Variants in STON2 observed in about 807,000 individuals in gnomAD.
STON2 encodes stonin 2.
In STON2, 29 loss-of-function variants were observed where a neutral mutation model predicts 65.7. The observed-to-expected ratio is 0.44, with a 90% CI of 0.33 to 0.60. The LOEUF (loss-of-function observed/expected upper bound fraction) is 0.60, where lower values mean the gene tolerates loss of function less well. STON2 is among the 20% of genes least tolerant of loss of function. The pLI, the probability that STON2 is intolerant of heterozygous loss-of-function variation, is 0.03. For missense variants in STON2, 1,054 were observed against 1,118.1 expected (o/e 0.94, Z 0.82); for synonymous variants, 404 against 414.2 (o/e 0.98, Z 0.30).
At chr14:81,380,093 C>T (rs1899442389) in intron 3 of STON2, among the ~76,000 whole-genome samples, 1 of 152,148 alleles carries the variant, frequency 6.6e-6, no homozygotes, top group Non-Finnish European at 1.5e-5. Flanking sequence ...GCAAACTATG[C>T]ATCTGACAAA....
chr14:81,427,615 G>C (rs2139921173), intron 1 of STON2, among the ~76,000 whole-genome samples: 1 of 152,198 alleles, frequency 6.6e-6, no homozygotes, highest in African/African-American at 2.4e-5. Flanking sequence ...AGGTTGATGG[G>C]TGGTGACTGA....
rs1489590989 is a variant in STON2, at chr14:81,262,479, A to G, written c.*5935T>C. The G allele has an allele frequency of 2.0e-6, 2 of 984,994 alleles. No homozygotes were observed. Among genetic ancestry groups the G allele is most frequent in the Non-Finnish European group, 2.4e-6 (2 of 829,616 alleles). 61.0% of individuals were successfully genotyped at this position (984,994 alleles called of 1,614,324 possible). A position where few individuals can be genotyped will look rare whatever the true frequency, so the allele number is the denominator to read the frequency against. On this transcript the variant is annotated 3_prime_UTR_variant, in exon 8 of 8. Coordinates refer to ENST00000614646, the MANE Select transcript of STON2 (RefSeq NM_001394390.1). Reference sequence around the variant, plus strand: ...CCTGGAGCTTCTTACTTTTAACTTTAAGAGATGGCTTCTAGTTCAAGTATT... The same window carrying G: ...CCTGGAGCTTCTTACTTTTAACTTTGAGAGATGGCTTCTAGTTCAAGTATT...
Position 81,267,151 on chromosome 14 carries a change from T to TA in STON2, c.*1262dup. The TA allele has an allele frequency of 1.0e-6, 1 of 985,212 alleles. No individual in the cohort carries two copies. Among genetic ancestry groups the TA allele is most frequent in the Non-Finnish European group, 1.2e-6 (1 of 829,872 alleles). 61.0% of individuals were successfully genotyped at this position (985,212 alleles called of 1,614,324 possible). A position where few individuals can be genotyped will look rare whatever the true frequency, so the allele number is the denominator to read the frequency against. ...TTCTTCATGGGAGAAAACACTAAGA[T>TA]ACAAATAAGAAGCAGAGGTGAGTAG... On this transcript the variant is annotated 3_prime_UTR_variant, in exon 8 of 8. Coordinates refer to ENST00000614646, the MANE Select transcript of STON2 (RefSeq NM_001394390.1).
chr14:81,312,134 T>G (rs773875096), intron 5 of STON2, among the ~76,000 whole-genome samples: 6 of 152,230 alleles, frequency 3.9e-5, no homozygotes, highest in Non-Finnish European at 7.3e-5. Context: ...GAAGAGAGAT[T>G]ACATGATTGT....
chr14:81,278,497 A>T lies in STON2; in HGVS notation c.985T>A (p.Ser329Thr). 1.2e-6 allele frequency: 2 copies of T among 1,614,218 alleles called. No homozygotes were observed. Among genetic ancestry groups the T allele is most frequent in the Middle Eastern group, 3.3e-4 (2 of 6,062 alleles). The change falls in exon 6 of 8, where the codon TCA becomes ACA. Residue 329 changes from serine (S) to threonine (T), a missense_variant. Transcript: ENST00000614646. ...IPDVPYNSMG[S>T]FKKRDRPKST... ...TTGGGACGGTCCCTCTTCTTAAATG[A>T]TCCCATTGAATTATAAGGTACATCT...
chr14:81,288,003 C>G (rs1371735654), intron 5 of STON2, among the ~76,000 whole-genome samples: 1 of 152,162 alleles, frequency 6.6e-6, no homozygotes, highest in Non-Finnish European at 1.5e-5. Flanking sequence ...AGAGGTCTCA[C>G]GCCGAGGGCA....
Position 81,264,816 on chromosome 14 carries a change from T to C in STON2, c.*3598A>G. The stretch of plus-strand genomic sequence containing the variant: ...ACTTTTGATAAGGAATAACTAGTAC[T>C]ATGTCTGCAAGAGCAGGCAAGGGGG... On this transcript the variant is annotated 3_prime_UTR_variant, in exon 8 of 8. Transcript: ENST00000614646. The C allele has an allele frequency of 1.0e-6, 1 of 985,436 alleles. No homozygotes were observed. The highest frequency in any genetic ancestry group is 1.2e-6 in the Non-Finnish European group (1 of 829,938). The allele number at this position is 985,436 out of a possible 1,614,324, so 61.0% of individuals were successfully genotyped here. A position where few individuals can be genotyped will look rare whatever the true frequency, so the allele number is the denominator to read the frequency against.
chr14:81,302,771 T>C (rs1896015535), intron 5 of STON2, among the ~76,000 whole-genome samples: 1 of 152,218 alleles, frequency 6.6e-6, no homozygotes, highest in Non-Finnish European at 1.5e-5. Context: ...GTGGGAAAAT[T>C]ATATAAGATC....
In STON2 at chr14:81,277,518, C is replaced by A; in HGVS notation, c.1964G>T (p.Arg655Leu). 1 of 1,614,114 alleles carries A rather than the reference C, an allele frequency of 6.2e-7. No homozygotes were observed. Among genetic ancestry groups the A allele is most frequent in the Non-Finnish European group, 8.5e-7 (1 of 1,180,010 alleles). The change falls in exon 6 of 8, where the codon CGG (arginine) becomes CTG (leucine). Residue 655 changes from arginine (R) to leucine (L), a missense_variant. By Grantham distance (102) the Arg-to-Leu change is moderately radical. Transcript: ENST00000614646. ...NQILQHHVLT[R>L]IHILSFLSGL... ...AGACAGGAAACTCAGGATGTGGATC[C>A]GTGTCAAGACATGGTGCTGGAGAAT...
chr14:81,320,191 C>T (rs891356101), intron 5 of STON2, among the ~76,000 whole-genome samples: 17 of 151,734 alleles, frequency 1.1e-4, no homozygotes, highest in African/African-American at 2.7e-4. Context: ...TTCCAAGAGA[C>T]GCCAGATTCT....
chr14:81,349,903 A>G (rs1897959916), intron 4 of STON2, among the ~76,000 whole-genome samples: 1 of 152,194 alleles, frequency 6.6e-6, no homozygotes, highest in Non-Finnish European at 1.5e-5. Context: ...GCCAAAAAAA[A>G]GAAGGAAATC....
chr14:81,369,410 A>G (rs897630319), intron 4 of STON2, among the ~76,000 whole-genome samples: 1 of 152,208 alleles, frequency 6.6e-6, no homozygotes, highest in Non-Finnish European at 1.5e-5. Flanking sequence ...CAAGAATTAA[A>G]GCAACTTTCA....
chr14:81,337,852 T>C (rs1897435495), intron 4 of STON2, among the ~76,000 whole-genome samples: 1 of 152,044 alleles, frequency 6.6e-6, no homozygotes, highest in Admixed American at 6.6e-5. Context: ...GCAATCCAGC[T>C]ACTAGGAAGA....
intron 5 of STON2, chr14:81,323,720 G>A (rs1896902990): frequency 6.6e-6 from 1 of 151,998 alleles, no homozygotes; most frequent in Non-Finnish European, 1.5e-5. Flanking sequence ...AACCTATTTG[G>A]TAAGCAATGT....
rs1894272504 is a variant in STON2, at chr14:81,264,211, T to C, written c.*4203A>G. The C allele has an allele frequency of 1.0e-6, 1 of 985,450 alleles. No individual in the cohort carries two copies. The highest frequency in any genetic ancestry group is 1.2e-6 in the Non-Finnish European group (1 of 829,942). The allele number at this position is 985,450 out of a possible 1,614,324, so 61.0% of individuals were successfully genotyped here. ...TGTTTTTCAATGTGAATGAGGTACA[T>C]TGTAGTTCAAATTCAGCAGCATATT... is the stretch of plus-strand genomic sequence containing the variant. On this transcript the variant is annotated 3_prime_UTR_variant, in exon 8 of 8. Transcript: ENST00000614646.
chr14:81,268,026 T>G lies in STON2; in HGVS notation c.*388A>C. On this transcript the variant is annotated 3_prime_UTR_variant, in exon 8 of 8. Transcript: ENST00000614646. Reference sequence around the variant, plus strand: ...GCCAGAAAGTTATGCGAGTGACAGATGAACATCAGAAGGCAATCGTGCTAA... The same window carrying G: ...GCCAGAAAGTTATGCGAGTGACAGAGGAACATCAGAAGGCAATCGTGCTAA... The G allele has an allele frequency of 4.1e-6, 4 of 987,314 alleles. No homozygotes were observed. Among genetic ancestry groups the G allele is most frequent in the Non-Finnish European group, 4.8e-6 (4 of 831,230 alleles). The allele number at this position is 987,314 out of a possible 1,614,324, so 61.2% of individuals were successfully genotyped here. A position where few individuals can be genotyped will look rare whatever the true frequency, so the allele number is the denominator to read the frequency against.
Position 81,262,877 on chromosome 14 carries a change from T to C in STON2, c.*5537A>G. The C allele has an allele frequency of 1.0e-6, 1 of 985,240 alleles. No individual in the cohort carries two copies. Among genetic ancestry groups the C allele is most frequent in the Non-Finnish European group, 1.2e-6 (1 of 829,718 alleles). 61.0% of individuals were successfully genotyped at this position (985,240 alleles called of 1,614,324 possible). On this transcript the variant is annotated 3_prime_UTR_variant, in exon 8 of 8. Coordinates refer to ENST00000614646, the MANE Select transcript of STON2 (RefSeq NM_001394390.1). ...CCTTATACATCTCCTTCACGTTTAA[T>C]TCCTTAAACACATAAATATGAGTCA... is the stretch of plus-strand genomic sequence containing the variant.
intron 2 of STON2, among the ~76,000 whole-genome samples, chr14:81,410,278 CAAAAAAAAAAAAAAAAA>C (rs1161157573): frequency 4.4e-5 from 2 of 45,778 alleles, no homozygotes; most frequent in Non-Finnish European, 9.7e-5. Context: ...TAACTCTAAC[CAAAAAAAAAAAAAAAAA>C]AAAAAAAAAA....
intron 5 of STON2, among the ~76,000 whole-genome samples, chr14:81,288,618 A>G (rs536308123): frequency 6.6e-6 from 1 of 152,344 alleles, no homozygotes; most frequent in Admixed American, 6.5e-5. Flanking sequence ...TGTACTTATG[A>G]GCCGATCAAA....
Sources: allele counts gnomAD v4.1 joint callset (sites outside exome capture counted in the v4.1 genomes callset), GRCh38; gene constraint gnomAD v4.1.1; transcripts MANE v1.5; gene names NCBI Gene and HGNC (gene_info 2026-07-23, HGNC 2026-07-21).